Variants in HDAC9 observed in about 807,000 individuals in gnomAD.
The protein encoded by HDAC9 is MEF-2 interacting transcription repressor (MITR) protein.
In HDAC9, 41 loss-of-function variants were observed where a neutral mutation model predicts 139.4. That is an observed-to-expected ratio of 0.29 (90% CI 0.23 to 0.38). The LOEUF (loss-of-function observed/expected upper bound fraction) is 0.38, where lower values mean the gene tolerates loss of function less well. Among genes scored for constraint, HDAC9 ranks in the 10% least tolerant of loss-of-function variants. HDAC9 has a pLI of 1.00. For missense variants in HDAC9, 1,147 were observed against 1,297.0 expected (o/e 0.88, Z 1.78); for synonymous variants, 517 against 476.2 (o/e 1.09, Z -1.12).
intron 14 of HDAC9, among the ~76,000 whole-genome samples, chr7:18,756,631 A>G (rs1339237893): frequency 6.6e-6 from 1 of 152,232 alleles, no homozygotes; most frequent in Non-Finnish European, 1.5e-5. Flanking sequence ...TATCATCTTA[A>G]GGCTAAAAAT....
rs1307239099 is a variant in HDAC9, at chr7:18,829,485, T to C, written c.2403T>C (p.Val801=). Residue 801 remains valine, a synonymous_variant, in exon 19 of 26, where the codon GTT becomes GTC. Transcript: ENST00000686413. ...TAMGFCFFNS[V]AITAKYLRDQ... ...GGGGGTTCTGCTTTTTTAATTCAGT[T>C]GCAATTACCGCCAAATACTTGAGAG... is the stretch of plus-strand genomic sequence containing the variant. 6.2e-7 allele frequency: 1 copy of C among 1,612,356 alleles called. No individual in the cohort carries two copies.
At chr7:18,701,029 T>A (rs1783430129) in intron 12 of HDAC9, among the ~76,000 whole-genome samples, 1 of 152,136 alleles carries the variant, frequency 6.6e-6, no homozygotes, top group Middle Eastern at 3.2e-3. Flanking sequence ...GTTTCTGAAA[T>A]CCCTTTCAGT....
At chr7:18,479,352 G>T (rs1325648801) in intron 1 of HDAC9, among the ~76,000 whole-genome samples, 2 of 152,046 alleles carry the variant, frequency 1.3e-5, no homozygotes, top group African/African-American at 2.4e-5. Context: ...ACATAGAGTA[G>T]CAATTATCTT....
intron 12 of HDAC9, among the ~76,000 whole-genome samples, chr7:18,700,296 C>T (rs893816767): frequency 2.6e-5 from 4 of 152,162 alleles, no homozygotes. Context: ...GCAGTTGCAT[C>T]TTATGAATGA....
rs1326658352 is a variant in HDAC9 at position 18,996,176 on chromosome 7, C to T, written c.*114C>T. The stretch of plus-strand genomic sequence containing the variant: ...CCTGGGTGGCACAGATTCAATGGAA[C>T]ATAAACACTGGGCACAAAATTCTGA... On this transcript the variant is annotated 3_prime_UTR_variant, in exon 26 of 26. Transcript: ENST00000686413. The T allele has an allele frequency of 1.1e-5, 8 of 702,830 alleles. No homozygotes were observed. Among genetic ancestry groups the T allele is most frequent in the South Asian group, 3.7e-5 (2 of 54,322 alleles). The allele number at this position is 702,830 out of a possible 1,614,324, so 43.5% of individuals were successfully genotyped here.
intron 25 of HDAC9, among the ~76,000 whole-genome samples, chr7:18,987,398 T>C (rs1457274068): frequency 6.6e-6 from 1 of 152,258 alleles, no homozygotes; most frequent in Admixed American, 6.5e-5. Flanking sequence ...GAACCAGCCT[T>C]GCATCCCAGG....
intron 20 of HDAC9, 32 bp from the exon 21 acceptor site, chr7:18,835,868 C>T (rs377315703): frequency 1.4e-6 from 2 of 1,413,470 alleles, no homozygotes; most frequent in African/African-American, 1.4e-5. Context: ...GCTCTCTTCT[C>T]TGCCCACCGT....
chr7:18,829,390 C>A, intron 18 of HDAC9, 71 bp from the exon 19 acceptor site: 1 of 1,288,112 alleles, frequency 7.8e-7, no homozygotes, highest in Non-Finnish European at 1.1e-6. Context: ...AAAAAATGCT[C>A]TGAACATTAT....
At chr7:18,914,150 CA>C (rs1344136859) in intron 22 of HDAC9, among the ~76,000 whole-genome samples, 1 of 151,652 alleles carries the variant, frequency 6.6e-6, no homozygotes, top group Non-Finnish European at 1.5e-5. Flanking sequence ...GACGTGGTGA[CA>C]AGGTGCTGTC....
intron 9 of HDAC9, among the ~76,000 whole-genome samples, chr7:18,645,179 G>C (rs897511050): frequency 6.6e-6 from 1 of 152,136 alleles, no homozygotes. Context: ...GAGCCAGTAA[G>C]TGGCAGACCT....
In HDAC9 at chr7:18,239,491, AC is replaced by A. The variant is rs1211255483; in HGVS notation, c.25+77143del. Among the ~76,000 whole-genome samples the A allele has an allele frequency of 2.6e-5, 4 of 152,134 alleles. No homozygotes were observed. The South Asian group carries it at 8.3e-4, about 32-fold the overall frequency. On this transcript the variant is annotated intron_variant, in intron 2 of 12. Coordinates refer to the HDAC9 transcript ENST00000417496. ...TGATGTACATAAAAGCTGACCAAGGACTTTGTGAAAACTTTGGGCTGCCTTC... is the reference window on the plus strand; with the variant it reads ...TGATGTACATAAAAGCTGACCAAGGATTTGTGAAAACTTTGGGCTGCCTTC...
intron 22 of HDAC9, among the ~76,000 whole-genome samples, chr7:18,882,646 A>AT (rs1395944468): frequency 2.3e-5 from 3 of 131,586 alleles, no homozygotes; most frequent in Non-Finnish European, 4.8e-5. Flanking sequence ...CTAATCAGCC[A>AT]AAAAAAAAAA....
At chr7:18,918,857 C>T (rs1803440499) in intron 22 of HDAC9, among the ~76,000 whole-genome samples, 1 of 151,964 alleles carries the variant, frequency 6.6e-6, no homozygotes, top group Admixed American at 6.6e-5. Flanking sequence ...AGTTTTAATC[C>T]TAGGGGCCTG....
At chr7:18,175,068 G>A (rs1157385511) in intron 2 of HDAC9, among the ~76,000 whole-genome samples, 1 of 152,208 alleles carries the variant, frequency 6.6e-6, no homozygotes, top group Non-Finnish European at 1.5e-5. Context: ...TAGAGGTGGA[G>A]TCTACAGAGG....
rs766486867 is a variant in HDAC9 at position 18,998,089 on chromosome 7, G to C, written c.*2027G>C. ...TTGAGGATATTTACTTAAAAAAATAGTAGAGCCAAAGGCTTAACAAAAGAC... is the reference window on the plus strand; with the variant it reads ...TTGAGGATATTTACTTAAAAAAATACTAGAGCCAAAGGCTTAACAAAAGAC... On this transcript the variant is annotated 3_prime_UTR_variant, in exon 26 of 26. Transcript: ENST00000686413. The C allele has an allele frequency of 2.0e-5, 3 of 152,074 alleles. No individual in the cohort carries two copies. The highest frequency in any genetic ancestry group is 7.2e-5 in the African/African-American group (3 of 41,426). The allele number at this position is 152,074 out of a possible 1,614,324, so 9.4% of individuals were successfully genotyped here.
At chr7:18,434,631 T>C (rs921055760) in intron 1 of HDAC9, among the ~76,000 whole-genome samples, 3 of 152,020 alleles carry the variant, frequency 2.0e-5, no homozygotes, top group Non-Finnish European at 4.4e-5. Context: ...CCAACAAGCA[T>C]ATGAAAAAAT....
At chr7:18,987,612 C>A (rs967036225) in intron 25 of HDAC9, among the ~76,000 whole-genome samples, 1 of 152,116 alleles carries the variant, frequency 6.6e-6, no homozygotes, top group Non-Finnish European at 1.5e-5. Flanking sequence ...CCCTCTTTTT[C>A]TATTGATTGG....
intron 12 of HDAC9, among the ~76,000 whole-genome samples, chr7:18,692,275 C>T (rs537375403): frequency 1.3e-5 from 2 of 152,192 alleles, no homozygotes; most frequent in East Asian, 3.9e-4. Context: ...GTAAGCTTCA[C>T]ATTCTATGTA....
rs1431022300 is a variant in HDAC9, at chr7:18,135,637, A to C, written c.-96-26592A>C. On this transcript the variant is annotated intron_variant, in intron 1 of 12. Coordinates refer to the HDAC9 transcript ENST00000417496. ...TCCCTACAAAGGACATGAACTCATCATTTTTTATGGCTGCATAGTATTCCA... is the reference window on the plus strand; with the variant it reads ...TCCCTACAAAGGACATGAACTCATCCTTTTTTATGGCTGCATAGTATTCCA... Among the ~76,000 whole-genome samples, 17 of 136,244 alleles carry C rather than the reference A, an allele frequency of 1.2e-4. No homozygotes were observed. The East Asian group carries it at 2.5e-3, about 20-fold the overall frequency. The allele number at this position is 136,244 out of a possible 152,430, so 89.4% of individuals were successfully genotyped here.
Sources: allele counts gnomAD v4.1 joint callset (sites outside exome capture counted in the v4.1 genomes callset), GRCh38; gene constraint gnomAD v4.1.1; transcripts MANE v1.5; gene names NCBI Gene and HGNC (gene_info 2026-07-23, HGNC 2026-07-21).